HPS1: variants seen among roughly 807,000 people sequenced by gnomAD.
The protein encoded by HPS1 is BLOC-3 complex member HPS1.
In HPS1, 59 loss-of-function variants were observed where a neutral mutation model predicts 90.6. The observed-to-expected ratio is 0.65, with a 90% confidence interval of 0.53 to 0.81. HPS1 has a LOEUF of 0.81. Ranked by LOEUF, HPS1 falls within the 30% of genes least tolerant of loss-of-function variation. HPS1 has a pLI of 0.00. For synonymous variants in HPS1, 388 were observed against 384.4 expected, an observed-to-expected ratio of 1.01 and a Z score of -0.11; for missense variants, 849 against 896.7, an observed-to-expected ratio of 0.95 and a Z score of 0.68.
At chr10:98,440,582 A>C (rs1938242772) in intron 3 of HPS1, among the ~76,000 whole-genome samples, 1 of 152,180 alleles carries the variant, frequency 6.6e-6, no homozygotes, top group Non-Finnish European at 1.5e-5. Flanking sequence ...TAGAAAAAAT[A>C]AAGACCCAAA....
chr10:98,446,047 A>T (rs1201443242), intron 1 of HPS1, among the ~76,000 whole-genome samples: 2 of 152,202 alleles, frequency 1.3e-5, no homozygotes, highest in South Asian at 2.1e-4. Context: ...CCCTTCTTCA[A>T]ATAACAGGAT....
In HPS1 at chr10:98,425,972, G is replaced by T; in HGVS notation, c.1001C>A (p.Thr334Asn). The T allele has an allele frequency of 6.2e-7, 1 of 1,614,094 alleles. No individual in the cohort carries two copies. The highest frequency in any genetic ancestry group is 8.5e-7 in the Non-Finnish European group (1 of 1,180,006). ...GCAGTGGGGAACCAGTGTTTGGAGGGTGTCCTCTGCTATCTACAGAGGAAG... is the reference window on the plus strand; with the variant it reads ...GCAGTGGGGAACCAGTGTTTGGAGGTTGTCCTCTGCTATCTACAGAGGAAG... ...PMDALQIAED[T>N]LQTLVPHCPV... Residue 334 changes from threonine to asparagine, a missense_variant, in exon 12 of 20, where the codon ACC becomes AAC. Thr to Asn is a moderately conservative substitution (Grantham distance 65). Transcript: ENST00000361490.
At chr10:98,423,487 TG>T in intron 16 of HPS1, 115 bp downstream of exon 16, 1 of 936,796 alleles carries the variant, frequency 1.1e-6, no homozygotes, top group Non-Finnish European at 1.8e-6. Context: ...GAGCAGCTGA[TG>T]GGGTGGAACA....
chr10:98,419,395 CAG>C, intron 18 of HPS1, among the ~76,000 whole-genome samples: 1 of 152,046 alleles, frequency 6.6e-6, no homozygotes, highest in Non-Finnish European at 1.5e-5. Context: ...AGGGAAAAGA[CAG>C]AGAGGAGGGA....
intron 1 of HPS1, among the ~76,000 whole-genome samples, chr10:98,446,502 G>A (rs1231175563): frequency 6.6e-6 from 1 of 152,222 alleles, no homozygotes; most frequent in Non-Finnish European, 1.5e-5. Flanking sequence ...TCCTTCTGGG[G>A]TCCCACACCT....
At position 98,427,080 on chromosome 10, in the gene HPS1, T is replaced by G. The variant is rs1845702655; in HGVS notation, c.987+135A>C. On this transcript the variant is annotated intron_variant, in intron 11 of 19. Coordinates refer to ENST00000361490, the MANE Select transcript of HPS1 (RefSeq NM_000195.5). ...CTGGCACCAGGACAGGCACCTGCACTGACCAGCCCTGGGGTGGGCAGGAGG... is the reference window on the plus strand; with the variant it reads ...CTGGCACCAGGACAGGCACCTGCACGGACCAGCCCTGGGGTGGGCAGGAGG... The G allele has an allele frequency of 2.2e-5, 16 of 715,854 alleles. No individual in the cohort carries two copies. The East Asian group carries it at 3.5e-4, about 16-fold the overall frequency. 44.3% of individuals were successfully genotyped at this position (715,854 alleles called of 1,614,324 possible).
intron 17 of HPS1, among the ~76,000 whole-genome samples, chr10:98,421,609 G>A (rs140408239): frequency 5.4e-4 from 82 of 152,252 alleles, no homozygotes; most frequent in African/African-American, 1.5e-3. Context: ...AGAAAGAAAC[G>A]TACCAAGATA....
At chr10:98,427,389 A>G in intron 10 of HPS1, 125 bp from the exon 11 acceptor site, 1 of 767,974 alleles carries the variant, frequency 1.3e-6, no homozygotes, top group Non-Finnish European at 2.2e-6. Context: ...AGCTCCACGC[A>G]GGGGTGCTAA....
At chr10:98,429,527 G>A (rs748978472) in intron 10 of HPS1, 46 bp downstream of exon 10, 33 of 1,613,784 alleles carry the variant, frequency 2.0e-5, no homozygotes, top group African/African-American at 4.0e-5. Flanking sequence ...GCTGCCTGTC[G>A]CTCGCAGCTA....
At position 98,422,360 on chromosome 10, in the gene HPS1, A is replaced by T. The variant is rs368312283; in HGVS notation, c.1743+9T>A. 9.3e-6 allele frequency: 15 copies of T among 1,612,732 alleles called. 1 individual carries two copies. The African/African-American group carries it at 1.3e-4, about 14-fold the overall frequency. On this transcript the variant is annotated intron_variant, in intron 17 of 19. Transcript: ENST00000361490. ...CCCACCCATCCCCGCCCTGGGTCCAAATGGTTACCTTAGTTTTGACAAAGG... is the reference window on the plus strand; with the variant it reads ...CCCACCCATCCCCGCCCTGGGTCCATATGGTTACCTTAGTTTTGACAAAGG...
chr10:98,427,132 G>A (rs1472035657), intron 11 of HPS1, 83 bp downstream of exon 11: 1 of 1,188,898 alleles, frequency 8.4e-7, no homozygotes, highest in Admixed American at 2.0e-5. Context: ...GAGTCACCCT[G>A]GAGGCGAAAC....
chr10:98,421,633 C>A (rs928426441), intron 17 of HPS1, among the ~76,000 whole-genome samples: 2 of 152,160 alleles, frequency 1.3e-5, no homozygotes, highest in African/African-American at 4.8e-5. Context: ...CCAACTGTCT[C>A]CAGAATGAGG....
chr10:98,420,929 A>C (rs910765038), intron 17 of HPS1, among the ~76,000 whole-genome samples: 1 of 152,138 alleles, frequency 6.6e-6, no homozygotes, highest in Non-Finnish European at 1.5e-5. Flanking sequence ...CCAGGGGGGA[A>C]GTCCAAATCA....
intron 11 of HPS1, among the ~76,000 whole-genome samples, chr10:98,426,516 G>GCCA (rs1845621204): frequency 6.6e-6 from 1 of 152,176 alleles, no homozygotes; most frequent in African/African-American, 2.4e-5. Flanking sequence ...CATGAGAGAT[G>GCCA]CCACAAAAAT....
intron 6 of HPS1, 80 bp downstream of exon 6, chr10:98,433,903 T>C (rs1846895931): frequency 6.5e-7 from 1 of 1,538,322 alleles, no homozygotes; most frequent in Non-Finnish European, 8.8e-7. Context: ...TTCATTAGGG[T>C]TAAAACATGG....
chr10:98,443,800 A>AG (rs373848963), intron 2 of HPS1, among the ~76,000 whole-genome samples: 49 of 152,288 alleles, frequency 3.2e-4, no homozygotes, highest in African/African-American at 7.5e-4. Context: ...TGGGAGGCCA[A>AG]GGGGGGTGGA....
Position 98,417,334 on chromosome 10 carries a change from C to G in HPS1, c.*230G>C. ...GCTGTTGCCACCGTTGTTTTACAAA[C>G]AGGACCCCTGGGCTTCCCTCTTCCT... is the stretch of plus-strand genomic sequence containing the variant. On this transcript the variant is annotated 3_prime_UTR_variant, in exon 20 of 20. Coordinates refer to ENST00000361490, the MANE Select transcript of HPS1 (RefSeq NM_000195.5). The surrounding 1 kb of genome is among the most constrained non-coding windows in gnomAD (Gnocchi z 4.2). The G allele has an allele frequency of 6.1e-6, 3 of 489,448 alleles. No homozygotes were observed. The highest frequency in any genetic ancestry group is 1.1e-5 in the Non-Finnish European group (3 of 276,430). 30.3% of individuals were successfully genotyped at this position (489,448 alleles called of 1,614,324 possible).
intron 5 of HPS1, chr10:98,434,978 G>C: frequency 2.2e-6 from 1 of 448,500 alleles, no homozygotes; most frequent in Non-Finnish European, 4.1e-6. Flanking sequence ...TGGGAGGATG[G>C]AAAGAGCACT....
At chr10:98,430,477 G>A (rs1846273190) in intron 8 of HPS1, 94 bp downstream of exon 8, 3 of 899,384 alleles carry the variant, frequency 3.3e-6, no homozygotes, top group Non-Finnish European at 5.4e-6. Flanking sequence ...AGAAAACATG[G>A]AGTCCCCAGG....
Sources: allele counts gnomAD v4.1 joint callset (sites outside exome capture counted in the v4.1 genomes callset), GRCh38; gene constraint gnomAD v4.1.1; non-coding constraint Gnocchi (gnomAD v3.1); transcripts MANE v1.5; gene names NCBI Gene and HGNC (gene_info 2026-07-23, HGNC 2026-07-21).